TCERG1L: variants seen among roughly 807,000 people sequenced by gnomAD.
TCERG1L encodes transcription elongation regulator 1-like protein.
In TCERG1L, 37 loss-of-function variants were observed where a neutral mutation model predicts 56.3. The ratio of observed to expected loss-of-function variants is 0.66; its 90% confidence interval spans 0.51 to 0.87. The LOEUF (loss-of-function observed/expected upper bound fraction) is 0.87. TCERG1L is among the 40% of genes least tolerant of loss of function. The probability of loss-of-function intolerance (pLI) is 0.00; values close to 1 mark genes in which losing one functional copy is unlikely to be tolerated. For synonymous variants in TCERG1L, 324 were observed against 326.3 expected (o/e 0.99, Z 0.08); for missense variants, 799 against 774.2 (o/e 1.03, Z -0.38).
At chr10:131,281,617 C>T (rs1846454894) in intron 3 of TCERG1L, among the ~76,000 whole-genome samples, 1 of 152,066 alleles carries the variant, frequency 6.6e-6, no homozygotes, top group African/African-American at 2.4e-5. Flanking sequence ...TTCTATTCTT[C>T]CCAAAGGCAA....
intron 6 of TCERG1L, among the ~76,000 whole-genome samples, chr10:131,158,521 A>G (rs866185660): frequency 1.1e-4 from 17 of 152,304 alleles, no homozygotes; most frequent in African/African-American, 3.4e-4. Flanking sequence ...AACTCCTTAC[A>G]TCCTTATCAT....
chr10:131,157,919 C>G (rs895972756), intron 6 of TCERG1L, among the ~76,000 whole-genome samples: 4 of 152,244 alleles, frequency 2.6e-5, no homozygotes, highest in Admixed American at 6.5e-5. Flanking sequence ...AACTTCGACA[C>G]CATTTTCAAT....
intron 6 of TCERG1L, chr10:131,160,662 C>T (rs771131366): frequency 1.3e-5 from 2 of 152,266 alleles, no homozygotes; most frequent in African/African-American, 2.4e-5. Flanking sequence ...TGTGCCCGAA[C>T]ATCTCCTGCC....
At chr10:131,256,997 GAAAGAAAGAAAGAAAGAAAGAAA>G (rs1846177028) in intron 4 of TCERG1L, among the ~76,000 whole-genome samples, 1 of 74,168 alleles carries the variant, frequency 1.3e-5, no homozygotes, top group East Asian at 3.3e-4. Context: ...AGGAAGGAAA[GAAAGAAAGAAAGAAAGAAAGAAA>G]GAAAGAAAGA....
At position 131,260,161 on chromosome 10, in the gene TCERG1L, C is replaced by T. The variant is rs1395559509; in HGVS notation, c.856+98G>A. 1 of 1,241,054 alleles carries T rather than the reference C, an allele frequency of 8.1e-7. No homozygotes were observed. Among genetic ancestry groups the T allele is most frequent in the Non-Finnish European group, 1.0e-6 (1 of 992,286 alleles). 76.9% of individuals were successfully genotyped at this position (1,241,054 alleles called of 1,614,324 possible). On this transcript the variant is annotated intron_variant, in intron 4 of 11. Coordinates refer to ENST00000368642, the MANE Select transcript of TCERG1L (RefSeq NM_174937.4). The surrounding 1 kb of genome is among the most constrained non-coding windows in gnomAD (Gnocchi z 5.8). ...CCTCAACCGGAGCCGGGCTTCAGGTCCCACAGCGCCTGGGCCCAGGCCAGG... is the reference window on the plus strand; with the variant it reads ...CCTCAACCGGAGCCGGGCTTCAGGTTCCACAGCGCCTGGGCCCAGGCCAGG...
intron 4 of TCERG1L, among the ~76,000 whole-genome samples, chr10:131,242,478 T>G (rs1845984225): frequency 6.6e-6 from 1 of 152,106 alleles, no homozygotes; most frequent in South Asian, 2.1e-4. Flanking sequence ...CAGAGAGTGG[T>G]CAAGGTGCGG....
intron 4 of TCERG1L, among the ~76,000 whole-genome samples, chr10:131,170,326 T>C (rs1846076070): frequency 6.6e-6 from 1 of 152,136 alleles, no homozygotes; most frequent in African/African-American, 2.4e-5. Flanking sequence ...CTGATGATGT[T>C]GTCATAAACT....
chr10:131,284,927 A>C (rs921892650), intron 3 of TCERG1L, among the ~76,000 whole-genome samples: 1 of 152,196 alleles, frequency 6.6e-6, no homozygotes, highest in Non-Finnish European at 1.5e-5. Flanking sequence ...TGAGGTTCTT[A>C]TATTTTAAGA....
intron 3 of TCERG1L, among the ~76,000 whole-genome samples, chr10:131,307,163 A>C (rs1483588484): frequency 2.6e-5 from 4 of 152,212 alleles, no homozygotes; most frequent in Admixed American, 6.5e-5. Context: ...CTTAGTGTAA[A>C]ATGTTTATAA....
At chr10:131,184,232 T>A (rs1845213246) in intron 4 of TCERG1L, among the ~76,000 whole-genome samples, 1 of 152,258 alleles carries the variant, frequency 6.6e-6, no homozygotes, top group Non-Finnish European at 1.5e-5. Flanking sequence ...TATTCTAGCG[T>A]ATCACATTTA....
chr10:131,143,727 A>G (rs996370209), intron 7 of TCERG1L, among the ~76,000 whole-genome samples: 4 of 152,276 alleles, frequency 2.6e-5, no homozygotes, highest in South Asian at 4.2e-4. Context: ...AAGTGTTGGT[A>G]AGATCCCCGA....
intron 7 of TCERG1L, among the ~76,000 whole-genome samples, chr10:131,140,914 C>T (rs1415201671): frequency 6.6e-6 from 1 of 152,172 alleles, no homozygotes; most frequent in Non-Finnish European, 1.5e-5. Context: ...GGGTTTGATC[C>T]ACCCCACTCC....
intron 5 of TCERG1L, 122 bp downstream of exon 5, chr10:131,166,675 C>T (rs1846033158): frequency 1.0e-6 from 1 of 973,154 alleles, no homozygotes; most frequent in Admixed American, 2.2e-5. Context: ...TGCTGCTTCA[C>T]ACAGCAGATG....
intron 4 of TCERG1L, among the ~76,000 whole-genome samples, chr10:131,206,282 G>A (rs1845525806): frequency 6.6e-6 from 1 of 152,206 alleles, no homozygotes; most frequent in African/African-American, 2.4e-5. Flanking sequence ...GCCTGGGAGT[G>A]GACTCAGGGC....
intron 3 of TCERG1L, among the ~76,000 whole-genome samples, chr10:131,300,921 G>C (rs1018920660): frequency 2.0e-5 from 3 of 152,042 alleles, no homozygotes; most frequent in African/African-American, 7.3e-5. Context: ...CCTGGATTTG[G>C]ATTTTGTTGT....
In TCERG1L at chr10:131,092,766, C is replaced by T. The variant is rs921337856; in HGVS notation, c.*396G>A. The T allele has an allele frequency of 1.0e-4, 16 of 160,714 alleles. No individual in the cohort carries two copies. The highest frequency in any genetic ancestry group is 3.7e-4 in the South Asian group (2 of 5,432). 10.0% of individuals were successfully genotyped at this position (160,714 alleles called of 1,614,324 possible). A position where few individuals can be genotyped will look rare whatever the true frequency, so the allele number is the denominator to read the frequency against. ...CAACACTGCGGGAATCCTGGAGAAA[C>T]GAAGTAATTCACAAAGGTTTTCAGA... On this transcript the variant is annotated 3_prime_UTR_variant, in exon 12 of 12. Coordinates refer to ENST00000368642, the MANE Select transcript of TCERG1L (RefSeq NM_174937.4).
chr10:131,138,306 T>C (rs1845697207), intron 7 of TCERG1L, among the ~76,000 whole-genome samples: 1 of 152,084 alleles, frequency 6.6e-6, no homozygotes. Context: ...AAATAAAGAA[T>C]AGCACTAGAG....
intron 4 of TCERG1L, among the ~76,000 whole-genome samples, chr10:131,248,762 A>C (rs766161900): frequency 4.7e-4 from 72 of 152,202 alleles, no homozygotes; most frequent in Middle Eastern, 3.2e-3. Context: ...TTTCTGCCCA[A>C]GTCTCCGGCA....
At chr10:131,276,066 A>T (rs1218358293) in intron 3 of TCERG1L, among the ~76,000 whole-genome samples, 1 of 152,202 alleles carries the variant, frequency 6.6e-6, no homozygotes, top group Non-Finnish European at 1.5e-5. Context: ...TGCTTAACAC[A>T]TACATGTTAA....
Sources: allele counts gnomAD v4.1 joint callset (sites outside exome capture counted in the v4.1 genomes callset), GRCh38; gene constraint gnomAD v4.1.1; non-coding constraint Gnocchi (gnomAD v3.1); transcripts MANE v1.5; gene names NCBI Gene and HGNC (gene_info 2026-07-23, HGNC 2026-07-21).